Variants in MAGI1 observed in about 807,000 individuals in gnomAD.
MAGI1 encodes the protein membrane-associated guanylate kinase, WW and PDZ domain-containing protein 1.
A neutral mutation model predicts 139.9 loss-of-function variants in MAGI1; 58 were observed. That is an observed-to-expected ratio of 0.41 (90% confidence interval 0.34 to 0.52). MAGI1 has a LOEUF of 0.52. Among genes scored for constraint, MAGI1 ranks in the 20% least tolerant of loss-of-function variants. The pLI is 0.12. For missense variants in MAGI1, 1,874 were observed against 1,901.6 expected (o/e 0.99, Z 0.27); for synonymous variants, 812 against 737.9 (o/e 1.10, Z -1.63).
chr3:65,570,445 C>T (rs1267095056), intron 2 of MAGI1, among the ~76,000 whole-genome samples: 1 of 151,364 alleles, frequency 6.6e-6, no homozygotes, highest in African/African-American at 2.4e-5. Context: ...TTAATCAGCT[C>T]AGATTAAAAA....
At chr3:65,920,883 G>A (rs2062145424) in intron 1 of MAGI1, among the ~76,000 whole-genome samples, 3 of 152,092 alleles carry the variant, frequency 2.0e-5, no homozygotes, top group Admixed American at 6.5e-5. Context: ...ACAAAAAGTA[G>A]CTGGGCCAGG....
chr3:65,775,942 T>TA (rs11371013), intron 1 of MAGI1, among the ~76,000 whole-genome samples: 73,328 of 143,860 alleles, frequency 0.51, 18,768 homozygotes, highest in Admixed American at 0.59. Flanking sequence ...ACCCTGTCTT[T>TA]AAAAAAAAAA....
chr3:65,488,039 G>C (rs1951736491), intron 3 of MAGI1, among the ~76,000 whole-genome samples: 1 of 152,242 alleles, frequency 6.6e-6, no homozygotes, highest in Non-Finnish European at 1.5e-5. Context: ...ATGGAAGGAA[G>C]TTCTTACAGG....
At chr3:65,458,719 C>A (rs1402762779) in intron 5 of MAGI1, among the ~76,000 whole-genome samples, 1 of 152,106 alleles carries the variant, frequency 6.6e-6, no homozygotes, top group Non-Finnish European at 1.5e-5. Context: ...AATCCCTTGT[C>A]AGATGGACAG....
intron 1 of MAGI1, among the ~76,000 whole-genome samples, chr3:65,633,086 G>T (rs2084404961): frequency 6.6e-6 from 1 of 152,178 alleles, no homozygotes; most frequent in Non-Finnish European, 1.5e-5. Context: ...CCTTCCAGAT[G>T]ATTCTAATAC....
intron 1 of MAGI1, among the ~76,000 whole-genome samples, chr3:65,827,176 G>GAAACTTTCACAA (rs1559920047): frequency 2.6e-5 from 4 of 152,102 alleles, no homozygotes; most frequent in Non-Finnish European, 4.4e-5. Flanking sequence ...CAACTATCTG[G>GAAACTTTCACAA]GTAGCTCTCC....
intron 15 of MAGI1, among the ~76,000 whole-genome samples, chr3:65,382,956 GTTTTC>G (rs1943173033): frequency 6.6e-6 from 1 of 152,160 alleles, no homozygotes. Context: ...ACCTATTTCA[GTTTTC>G]TTTTCTTCCT....
At chr3:66,001,071 G>A (rs2066714048) in intron 1 of MAGI1, among the ~76,000 whole-genome samples, 2 of 152,176 alleles carry the variant, frequency 1.3e-5, no homozygotes, top group Admixed American at 6.5e-5. Context: ...AAATAGGGGA[G>A]ACAGAAAGGT....
At chr3:66,005,396 A>G (rs2066961865) in intron 1 of MAGI1, among the ~76,000 whole-genome samples, 1 of 152,198 alleles carries the variant, frequency 6.6e-6, no homozygotes, top group Non-Finnish European at 1.5e-5. Flanking sequence ...TTTTAAGGAC[A>G]AAATAGGCCC....
intron 1 of MAGI1, among the ~76,000 whole-genome samples, chr3:66,008,497 A>G (rs574121496): frequency 9.9e-4 from 151 of 152,318 alleles, no homozygotes; most frequent in African/African-American, 3.4e-3. Flanking sequence ...CGCAGCTCAG[A>G]GCTGGGCATT....
chr3:65,906,750 G>A (rs1006943422), intron 1 of MAGI1, among the ~76,000 whole-genome samples: 1 of 151,906 alleles, frequency 6.6e-6, no homozygotes, highest in African/African-American at 2.4e-5. Flanking sequence ...AGTGGGCGTG[G>A]TGGTGGGCAC....
At chr3:65,960,771 C>G (rs561417403) in intron 1 of MAGI1, among the ~76,000 whole-genome samples, 130 of 152,328 alleles carry the variant, frequency 8.5e-4, no homozygotes, top group African/African-American at 3.0e-3. Flanking sequence ...TCAACTCTTC[C>G]ATTTCTGTCT....
chr3:65,509,078 C>T (rs1161468365), intron 2 of MAGI1, among the ~76,000 whole-genome samples: 1 of 152,180 alleles, frequency 6.6e-6, no homozygotes. Flanking sequence ...AGCAGTTAGG[C>T]TCTCATTTTC....
At chr3:65,951,001 AAGG>A (rs2063818216) in intron 1 of MAGI1, among the ~76,000 whole-genome samples, 2 of 132,188 alleles carry the variant, frequency 1.5e-5, no homozygotes, top group African/African-American at 5.6e-5. Context: ...GGAAGGAAGG[AAGG>A]AAGGAAGGAA....
intron 1 of MAGI1, among the ~76,000 whole-genome samples, chr3:65,869,257 A>C (rs1219977129): frequency 1.1e-5 from 1 of 91,654 alleles, no homozygotes; most frequent in African/African-American, 8.9e-5. Flanking sequence ...CTCCGTCTCA[A>C]AAAAAAAAAA....
chr3:65,412,476 A>G (rs1030436445), intron 12 of MAGI1, among the ~76,000 whole-genome samples: 3 of 152,282 alleles, frequency 2.0e-5, no homozygotes, highest in East Asian at 3.9e-4. Flanking sequence ...TATTATTTAT[A>G]TTGTTTATTG....
chr3:65,529,359 T>C (rs1342577268), intron 2 of MAGI1, among the ~76,000 whole-genome samples: 1 of 152,182 alleles, frequency 6.6e-6, no homozygotes, highest in Non-Finnish European at 1.5e-5. Flanking sequence ...CATTAAGCAT[T>C]AATTCCCTGT....
rs373074462 is a variant in MAGI1 at position 65,638,944 on chromosome 3, G to A, written c.314-16856C>T. Among the ~76,000 whole-genome samples the A allele has an allele frequency of 3.3e-5, 5 of 151,964 alleles. No individual in the cohort carries two copies. In the South Asian group the frequency reaches 6.3e-4, roughly 19 times the overall value. ...TTTGACTTTTAGTAGAGACAAGGTTGTGCTATGTTGCCCAGGCTGGTCTCA... is the reference window on the plus strand; with the variant it reads ...TTTGACTTTTAGTAGAGACAAGGTTATGCTATGTTGCCCAGGCTGGTCTCA... On this transcript the variant is annotated intron_variant, in intron 1 of 22. Coordinates refer to ENST00000402939, the MANE Select transcript of MAGI1 (RefSeq NM_001033057.2).
At position 65,714,704 on chromosome 3, in the gene MAGI1, T is replaced by C. The variant is rs78244710; in HGVS notation, c.314-92616A>G. On this transcript the variant is annotated intron_variant, in intron 1 of 22. Transcript: ENST00000402939. ...TCATCAGTGAGCCTCAATTTAGCTT[T>C]CTACAGGTAAATCAAGTCCTCAATC... Among the ~76,000 whole-genome samples the C allele has an allele frequency of 3.2e-3, 491 of 152,226 alleles. 1 individual carries two copies. Among genetic ancestry groups the C allele is most frequent in the African/African-American group, 0.011 (473 of 41,550 alleles).
Sources: gnomAD v4.1 joint callset for allele counts (sites outside exome capture counted in the v4.1 genomes callset) on GRCh38, gnomAD v4.1.1 for gene constraint, MANE v1.5 for transcripts, NCBI Gene and HGNC (gene_info 2026-07-23, HGNC 2026-07-21) for gene names.